The following ARAP2 variants were observed in gnomAD, a reference collection of about 807,000 sequenced individuals.
ARAP2 encodes the protein ArfGAP with RhoGAP domain, ankyrin repeat and PH domain 2, also known as arf-GAP with Rho-GAP domain, ANK repeat and PH domain-containing protein 2.
Under a neutral mutation model 194.5 loss-of-function variants are expected in ARAP2, and 148 were observed. That is an observed-to-expected ratio of 0.76 (90% confidence interval 0.67 to 0.87). The LOEUF (loss-of-function observed/expected upper bound fraction) is 0.87, where lower values mean the gene tolerates loss of function less well. Among genes scored for constraint, ARAP2 ranks in the 40% least tolerant of loss-of-function variants. The probability of loss-of-function intolerance (pLI) is 0.00; values close to 1 mark genes in which losing one functional copy is unlikely to be tolerated. For missense variants in ARAP2, 2,128 were observed against 1,989.7 expected, an observed-to-expected ratio of 1.07 and a Z score of -1.32; for synonymous variants, 695 against 683.5, an observed-to-expected ratio of 1.02 and a Z score of -0.26.
intron 5 of ARAP2, among the ~76,000 whole-genome samples, chr4:36,024,004 G>A (rs1717468386): frequency 6.6e-6 from 1 of 152,062 alleles, no homozygotes; most frequent in South Asian, 2.1e-4. Flanking sequence ...AGGAGAGACA[G>A]GCATATTTCC....
chr4:36,188,851 C>T (rs1741196773), intron 7 of ARAP2, among the ~76,000 whole-genome samples: 1 of 152,148 alleles, frequency 6.6e-6, no homozygotes, highest in African/African-American at 2.4e-5. Context: ...TGGTAAGGGA[C>T]AGTCATCATT....
intron 4 of ARAP2, among the ~76,000 whole-genome samples, chr4:36,046,559 TA>T (rs1485659746): frequency 1.8e-4 from 27 of 152,136 alleles, no homozygotes; most frequent in Non-Finnish European, 4.4e-5. Context: ...ATATGGATGT[TA>T]AAAAAAGTTC....
intron 26 of ARAP2, among the ~76,000 whole-genome samples, chr4:36,108,780 T>C (rs1424679329): frequency 6.6e-6 from 1 of 151,970 alleles, no homozygotes; most frequent in Non-Finnish European, 1.5e-5. Flanking sequence ...CAGAAACATA[T>C]GCTGGAATAA....
At chr4:36,126,065 T>C (rs978192594) in intron 21 of ARAP2, among the ~76,000 whole-genome samples, 6 of 152,016 alleles carry the variant, frequency 3.9e-5, no homozygotes, top group Non-Finnish European at 7.4e-5. Flanking sequence ...TCTTTTGTAC[T>C]GATTTAGCCT....
chr4:36,008,889 C>A (rs759856497), intron 9 of ARAP2, among the ~76,000 whole-genome samples: 1 of 151,948 alleles, frequency 6.6e-6, no homozygotes, highest in African/African-American at 2.4e-5. Context: ...GGGCAAAGGA[C>A]AAGAGCAGAC....
At chr4:36,027,742 C>T (rs1177893005) in intron 5 of ARAP2, among the ~76,000 whole-genome samples, 1 of 151,980 alleles carries the variant, frequency 6.6e-6, no homozygotes, top group Non-Finnish European at 1.5e-5. Flanking sequence ...GTGACTTACC[C>T]AAAGATAAAT....
rs1414952281 is a variant in ARAP2, at chr4:36,187,463, C to T, written c.1666G>A (p.Val556Ile). The change falls in exon 8 of 33, where the codon GTA becomes ATA. Residue 556 changes from valine (V) to isoleucine (I), a missense_variant. By Grantham distance (29) the Val-to-Ile change is conservative (BLOSUM62 3). Coordinates refer to ENST00000303965, the MANE Select transcript of ARAP2 (RefSeq NM_015230.4). ...VTTQRTFVFR[V>I]EKEEERNDWI... Reference sequence around the variant, plus strand: ...TAAATAATCTCACCTTCTTTTTCTACTCTAAAAACAAAAGTTCTTTGTGTT... The same window carrying T: ...TAAATAATCTCACCTTCTTTTTCTATTCTAAAAACAAAAGTTCTTTGTGTT... 3.5e-6 allele frequency: 5 copies of T among 1,429,108 alleles called. No individual in the cohort carries two copies. Among genetic ancestry groups the T allele is most frequent in the South Asian group, 2.9e-5 (2 of 68,848 alleles). 88.5% of individuals were successfully genotyped at this position (1,429,108 alleles called of 1,614,324 possible).
chr4:36,206,614 T>A (rs1177554291), intron 6 of ARAP2, among the ~76,000 whole-genome samples: 1 of 152,266 alleles, frequency 6.6e-6, no homozygotes, highest in East Asian at 1.9e-4. Context: ...CAACCCTTGG[T>A]AACCTCAGGA....
intron 22 of ARAP2, among the ~76,000 whole-genome samples, 182 bp downstream of exon 22, chr4:36,124,680 T>G (rs1264433936): frequency 1.3e-5 from 2 of 151,920 alleles, no homozygotes; most frequent in Non-Finnish European, 2.9e-5. Flanking sequence ...GAGGACACTG[T>G]ATACAATTAT....
chr4:36,132,337 A>G (rs1179869983), intron 20 of ARAP2, among the ~76,000 whole-genome samples: 1 of 151,788 alleles, frequency 6.6e-6, no homozygotes, highest in Non-Finnish European at 1.5e-5. Flanking sequence ...CCTTCTTTTC[A>G]AATTAAAAAC....
chr4:36,154,782 T>C (rs1355887473), intron 15 of ARAP2, among the ~76,000 whole-genome samples: 1 of 152,254 alleles, frequency 6.6e-6, no homozygotes, highest in Non-Finnish European at 1.5e-5. Flanking sequence ...TTTTGCTCTA[T>C]GGCTGTCCTG....
At chr4:36,159,999 A>G (rs990680206) in intron 13 of ARAP2, 7 of 805,364 alleles carry the variant, frequency 8.7e-6, no homozygotes, top group African/African-American at 1.9e-5. Context: ...GGGGCCGAGG[A>G]TAGGAAGGAG....
intron 6 of ARAP2, among the ~76,000 whole-genome samples, chr4:36,205,157 C>T (rs1297744817): frequency 6.6e-6 from 1 of 151,556 alleles, no homozygotes; most frequent in South Asian, 2.1e-4. Context: ...AACAAAATTA[C>T]AGACATCTAA....
At chr4:36,189,421 T>C (rs1385113692) in intron 7 of ARAP2, among the ~76,000 whole-genome samples, 3 of 152,162 alleles carry the variant, frequency 2.0e-5, no homozygotes, top group Non-Finnish European at 4.4e-5. Flanking sequence ...AAACATTCAA[T>C]ATCCTCCTTC....
At chr4:36,112,327 T>C (rs539578924) in intron 26 of ARAP2, among the ~76,000 whole-genome samples, 2 of 152,078 alleles carry the variant, frequency 1.3e-5, no homozygotes, top group East Asian at 1.9e-4. Context: ...TCATACAGTA[T>C]ACAGTATTAT....
At chr4:36,215,670 G>C (rs1038907684) in intron 2 of ARAP2, among the ~76,000 whole-genome samples, 1 of 152,166 alleles carries the variant, frequency 6.6e-6, no homozygotes, top group Non-Finnish European at 1.5e-5. Context: ...TTACAATCCA[G>C]TAATAAGAAA....
At chr4:36,074,958 G>A (rs971757371) in intron 31 of ARAP2, among the ~76,000 whole-genome samples, 1 of 151,970 alleles carries the variant, frequency 6.6e-6, no homozygotes. Flanking sequence ...AATGTGCATC[G>A]TATCTACCCT....
chr4:36,084,856 AAT>A (rs534336439), intron 28 of ARAP2, among the ~76,000 whole-genome samples: 7 of 152,154 alleles, frequency 4.6e-5, no homozygotes, highest in African/African-American at 1.7e-4. Flanking sequence ...CATAGTAGAT[AAT>A]ATGTTTTAAA....
chr4:36,058,242 A>G (rs1218921327), intron 1 of ARAP2: 2 of 152,244 alleles, frequency 1.3e-5, no homozygotes, highest in Non-Finnish European at 2.9e-5. Flanking sequence ...TAAGCTTATT[A>G]GCTTACTGTT....
Sources: allele counts gnomAD v4.1 joint callset (sites outside exome capture counted in the v4.1 genomes callset), GRCh38; gene constraint gnomAD v4.1.1; transcripts MANE v1.5; gene names NCBI Gene and HGNC (gene_info 2026-07-23, HGNC 2026-07-21).